CLEC1B: variants seen among roughly 807,000 people sequenced by gnomAD.
CLEC1B encodes the protein C-type lectin-like receptor 2.
In CLEC1B, 26 loss-of-function variants were observed where a neutral mutation model predicts 26.7. That is an observed-to-expected ratio of 0.97 (90% CI 0.71 to 1.35). CLEC1B has a LOEUF of 1.35. CLEC1B is among the 40% of genes most tolerant of loss of function. CLEC1B has a pLI of 0.00. For missense variants in CLEC1B, 293 were observed against 282.6 expected (o/e 1.04, Z -0.26); for synonymous variants, 112 against 96.0 (o/e 1.17, Z -0.97).
intron 3 of CLEC1B, 26 bp from the exon 4 acceptor site, chr12:9,997,026 TG>T: frequency 6.2e-7 from 1 of 1,612,592 alleles, no homozygotes; most frequent in Non-Finnish European, 8.5e-7. Context: ...ACAGGAATGG[TG>T]TATTTTTTCT....
At chr12:9,993,458 A>G (rs2137230660) in intron 5 of CLEC1B, 171 bp from the exon 6 acceptor site, 7 of 628,300 alleles carry the variant, frequency 1.1e-5, no homozygotes, top group South Asian at 1.9e-5. Flanking sequence ...GCTTGGCAGT[A>G]CAAGATATGC....
upstream of CLEC1B, chr12:9,999,169 A>G (rs1865125140): frequency 1.0e-6 from 1 of 960,300 alleles, no homozygotes; most frequent in Non-Finnish European, 1.7e-6. Flanking sequence ...CAACTTTACA[A>G]TTTCAGTATC....
In CLEC1B at chr12:9,999,004, A is replaced by G. The variant is rs199957131; in HGVS notation, c.64+33T>C. On this transcript the variant is annotated intron_variant, in intron 1 of 5. Coordinates refer to ENST00000298527, the MANE Select transcript of CLEC1B (RefSeq NM_016509.4). ...ATTGAATCAACTCATTTTTTAAATT[A>G]ATTTCCAAATTATTGGCTCTGAGCA... is the stretch of plus-strand genomic sequence containing the variant. The G allele has an allele frequency of 1.7e-5, 21 of 1,272,224 alleles. No homozygotes were observed. The African/African-American group carries it at 3.0e-4, about 18-fold the overall frequency. The allele number at this position is 1,272,224 out of a possible 1,614,324, so 78.8% of individuals were successfully genotyped here.
chr12:9,997,826 C>T (rs1170514169), intron 2 of CLEC1B, among the ~76,000 whole-genome samples: 1 of 151,954 alleles, frequency 6.6e-6, no homozygotes, highest in African/African-American at 2.4e-5. Context: ...ATGAGAATTA[C>T]AGAAAGAAGA....
At chr12:10,001,804 A>G (rs1270796834), upstream of CLEC1B, among the ~76,000 whole-genome samples, 1 of 152,040 alleles carries the variant, frequency 6.6e-6, no homozygotes, top group East Asian at 1.9e-4. Flanking sequence ...TTCTGCTTCA[A>G]TATTTTAACC....
upstream of CLEC1B, among the ~76,000 whole-genome samples, chr12:10,000,449 A>G (rs972729501): frequency 3.3e-5 from 5 of 152,206 alleles, no homozygotes; most frequent in Non-Finnish European, 5.9e-5. Flanking sequence ...TGATTTTGGA[A>G]AGCCAAACTT....
At chr12:9,994,702 T>C (rs1864988452) in intron 5 of CLEC1B, among the ~76,000 whole-genome samples, 1 of 152,212 alleles carries the variant, frequency 6.6e-6, no homozygotes, top group South Asian at 2.1e-4. Context: ...CAAAACAATA[T>C]TGAAAACTCA....
At chr12:9,997,372 C>A in intron 2 of CLEC1B, 93 bp from the exon 3 acceptor site, 1 of 1,181,000 alleles carries the variant, frequency 8.5e-7, no homozygotes, top group East Asian at 2.6e-5. Context: ...CTTAACTTTG[C>A]CAATATATGA....
In CLEC1B at chr12:9,998,340, C is replaced by T. The variant is rs1199920119; in HGVS notation, c.105G>A (p.Leu35=). The T allele has an allele frequency of 6.2e-7, 1 of 1,614,036 alleles. No individual in the cohort carries two copies. Among genetic ancestry groups the T allele is most frequent in the South Asian group, 1.1e-5 (1 of 91,062 alleles). ...TCCCCACGCACAGGATCAGCAGAAT[C>T]AAAGCCATCACACGCCACCAGGAGG... ...ASSSWWRVMA[L]ILLILCVGMV... The change falls in exon 2 of 6, where the codon TTG becomes TTA. Residue 35 remains leucine (L), a synonymous_variant. Transcript: ENST00000298527.
At chr12:10,001,745 C>T (rs1865162005), upstream of CLEC1B, among the ~76,000 whole-genome samples, 5 of 152,156 alleles carry the variant, frequency 3.3e-5, no homozygotes, top group Admixed American at 2.6e-4. Context: ...AGAGTCTTTG[C>T]TAGTTACCTT....
intron 2 of CLEC1B, 47 bp downstream of exon 2, chr12:9,998,235 C>T: frequency 7.1e-7 from 1 of 1,414,548 alleles, no homozygotes. Flanking sequence ...CATGACCCTT[C>T]AGTATTACCT....
intron 1 of CLEC1B, among the ~76,000 whole-genome samples, 167 bp from the exon 2 acceptor site, chr12:9,998,547 G>T: frequency 7.7e-6 from 1 of 129,428 alleles, no homozygotes; most frequent in Non-Finnish European, 1.7e-5. Context: ...CAATAGGCAT[G>T]GCCCACCCCT....
chr12:9,996,449 T>C (rs905236036), intron 4 of CLEC1B, among the ~76,000 whole-genome samples: 3 of 152,204 alleles, frequency 2.0e-5, no homozygotes, highest in Non-Finnish European at 4.4e-5. Flanking sequence ...CTTATTTTGC[T>C]GGAGTGGAAA....
upstream of CLEC1B, chr12:9,999,221 T>C (rs965488198): frequency 2.1e-5 from 13 of 611,476 alleles, no homozygotes; most frequent in South Asian, 3.2e-4. Context: ...GGTAGAACCA[T>C]GTGAGATGGG....
chr12:10,000,545 T>C (rs1374161729), upstream of CLEC1B, among the ~76,000 whole-genome samples: 1 of 152,190 alleles, frequency 6.6e-6, no homozygotes, highest in Non-Finnish European at 1.5e-5. Context: ...AAGAAAAGAC[T>C]AAAAATTTTT....
At chr12:9,995,953 G>C (rs904018443) in intron 4 of CLEC1B, among the ~76,000 whole-genome samples, 3 of 152,110 alleles carry the variant, frequency 2.0e-5, no homozygotes, top group Non-Finnish European at 2.9e-5. Flanking sequence ...TCAGCACATA[G>C]TTGCTGAATT....
Position 9,995,131 on chromosome 12 carries a change from G to A in CLEC1B, c.545+9C>T. 1 of 1,611,522 alleles carries A rather than the reference G, an allele frequency of 6.2e-7. No individual in the cohort carries two copies. The highest frequency in any genetic ancestry group is 1.3e-5 in the African/African-American group (1 of 74,942). On this transcript the variant is annotated intron_variant, in intron 5 of 5. Coordinates refer to ENST00000298527, the MANE Select transcript of CLEC1B (RefSeq NM_016509.4). Reference sequence around the variant, plus strand: ...TACTCCCTCCTATTCTAAGTGTCCAGTGACTTACATATTTTCTGAGATAAC... The same window carrying A: ...TACTCCCTCCTATTCTAAGTGTCCAATGACTTACATATTTTCTGAGATAAC...
At chr12:9,998,100 T>G (rs1203575813) in intron 2 of CLEC1B, among the ~76,000 whole-genome samples, 182 bp downstream of exon 2, 1 of 152,222 alleles carries the variant, frequency 6.6e-6, no homozygotes, top group African/African-American at 2.4e-5. Flanking sequence ...TAAAATCTTA[T>G]TTTAATCACA....
At chr12:9,999,655 C>T (rs1351430276), upstream of CLEC1B, among the ~76,000 whole-genome samples, 2 of 152,150 alleles carry the variant, frequency 1.3e-5, no homozygotes, top group African/African-American at 4.8e-5. Flanking sequence ...ATTTACACAA[C>T]TTCTTGCATA....
Sources: gnomAD v4.1 joint callset for allele counts (sites outside exome capture counted in the v4.1 genomes callset) on GRCh38, gnomAD v4.1.1 for gene constraint, MANE v1.5 for transcripts, NCBI Gene and HGNC (gene_info 2026-07-23, HGNC 2026-07-21) for gene names.